PIAS1: variants seen among roughly 807,000 people sequenced by gnomAD.
The protein encoded by PIAS1 is E3 SUMO-protein ligase PIAS1.
PIAS1 carries 6 observed loss-of-function variants against 71.3 expected under a neutral mutation model. The ratio of observed to expected loss-of-function variants is 0.08; its 90% confidence interval spans 0.05 to 0.17. The LOEUF (loss-of-function observed/expected upper bound fraction) is 0.17, where lower values mean the gene tolerates loss of function less well. PIAS1 is among the 10% of genes least tolerant of loss of function. The probability of loss-of-function intolerance (pLI) is 1.00; values close to 1 mark genes in which losing one functional copy is unlikely to be tolerated. For synonymous variants in PIAS1, 303 were observed against 292.9 expected (o/e 1.03, Z -0.35); for missense variants, 555 against 793.6 (o/e 0.70, Z 3.61).
intron 2 of PIAS1, among the ~76,000 whole-genome samples, chr15:68,089,817 A>G (rs2092318047): frequency 6.6e-6 from 1 of 151,994 alleles, no homozygotes. Context: ...CGGCCTCCCA[A>G]AGTGCTGGGA....
intron 7 of PIAS1, among the ~76,000 whole-genome samples, chr15:68,156,726 AAAGAGAGAGAGAG>A (rs920883707): frequency 1.3e-5 from 2 of 150,308 alleles, no homozygotes; most frequent in African/African-American, 4.9e-5. Flanking sequence ...AAAAAAAAAA[AAAGAGAGAGAGAG>A]AGAGAGCGCC....
chr15:68,135,482 G>A (rs1303190744), intron 2 of PIAS1, among the ~76,000 whole-genome samples: 1 of 3,480 alleles, frequency 2.9e-4, no homozygotes, highest in African/African-American at 3.4e-4. Context: ...GGGGCGGCTG[G>A]CCGGGGGGGG....
At chr15:68,089,391 CTCTCATTA>C (rs1222727643) in intron 2 of PIAS1, among the ~76,000 whole-genome samples, 1 of 152,276 alleles carries the variant, frequency 6.6e-6, no homozygotes, top group East Asian at 1.9e-4. Context: ...TTACTTTGGC[CTCTCATTA>C]TCTCAATTCT....
intron 1 of PIAS1, among the ~76,000 whole-genome samples, chr15:68,082,243 G>T (rs1286412436): frequency 1.3e-5 from 2 of 152,066 alleles, no homozygotes; most frequent in African/African-American, 4.8e-5. Context: ...CCACTAAAAA[G>T]AGAAAACCAA....
intron 2 of PIAS1, among the ~76,000 whole-genome samples, chr15:68,114,290 CTCATA>C (rs1233664758): frequency 6.6e-6 from 1 of 151,842 alleles, no homozygotes; most frequent in Non-Finnish European, 1.5e-5. Context: ...TGACTGTATT[CTCATA>C]TCATTAAGTA....
At chr15:68,119,405 A>G (rs1489628032) in intron 2 of PIAS1, among the ~76,000 whole-genome samples, 1 of 151,900 alleles carries the variant, frequency 6.6e-6, no homozygotes, top group African/African-American at 2.4e-5. Context: ...AGATCATGCC[A>G]CTGCACTCCA....
chr15:68,109,116 G>C (rs2092499651), intron 2 of PIAS1, among the ~76,000 whole-genome samples: 1 of 152,154 alleles, frequency 6.6e-6, no homozygotes, highest in Non-Finnish European at 1.5e-5. Context: ...TCTACTTGCT[G>C]TTTCTCAGAT....
At chr15:68,175,913 A>G (rs1352110663) in intron 10 of PIAS1, 146 bp downstream of exon 10, 2 of 478,296 alleles carry the variant, frequency 4.2e-6, no homozygotes, top group Non-Finnish European at 6.7e-6. Flanking sequence ...AAATGTTCAG[A>G]AGTAATAGAA....
intron 4 of PIAS1, among the ~76,000 whole-genome samples, chr15:68,143,497 A>G (rs2092786669): frequency 6.6e-6 from 1 of 152,138 alleles, no homozygotes; most frequent in Non-Finnish European, 1.5e-5. Context: ...GTATGACAGG[A>G]CCTTACTGCA....
At chr15:68,084,094 A>G (rs1156737351) in intron 1 of PIAS1, among the ~76,000 whole-genome samples, 1 of 152,194 alleles carries the variant, frequency 6.6e-6, no homozygotes, top group African/African-American at 2.4e-5. Context: ...AAATAGGAAA[A>G]TGATACATCT....
intron 1 of PIAS1, among the ~76,000 whole-genome samples, chr15:68,082,670 A>T (rs1257657904): frequency 1.3e-5 from 2 of 152,120 alleles, no homozygotes; most frequent in Non-Finnish European, 2.9e-5. Flanking sequence ...TGATAGAAAG[A>T]TGAGGGAGAG....
rs1316738415 is a variant in PIAS1 at position 68,135,374 on chromosome 15, C to A, written c.470-6572C>A. ...CGGCTGGCCGGGCGGGGGGCTGACC[C>A]CCACACCGCCCTCCCAGACGGGGCG... On this transcript the variant is annotated intron_variant, in intron 2 of 13. Transcript: ENST00000249636. 2.2e-4 allele frequency among the ~76,000 whole-genome samples: 10 copies of A among 45,638 alleles called. 3 individuals carry two copies. Among genetic ancestry groups the A allele is most frequent in the Admixed American group, 1.7e-3 (10 of 5,980 alleles). The allele number at this position is 45,638 out of a possible 152,430, so 29.9% of individuals were successfully genotyped here.
At chr15:68,102,180 G>A (rs1280264807) in intron 2 of PIAS1, among the ~76,000 whole-genome samples, 1 of 152,074 alleles carries the variant, frequency 6.6e-6, no homozygotes, top group Non-Finnish European at 1.5e-5. Context: ...CTTCATTTAT[G>A]GAGATCTAAC....
intron 1 of PIAS1, among the ~76,000 whole-genome samples, chr15:68,061,108 A>T (rs2091954124): frequency 6.6e-6 from 1 of 152,266 alleles, no homozygotes; most frequent in Non-Finnish European, 1.5e-5. Flanking sequence ...GCAACATCTG[A>T]AAAGTAGTGC....
intron 12 of PIAS1, among the ~76,000 whole-genome samples, chr15:68,183,132 C>T (rs1299448524): frequency 2.0e-5 from 3 of 152,204 alleles, no homozygotes; most frequent in African/African-American, 7.2e-5. Context: ...CCTCATGCCA[C>T]TGCAGTCTGT....
In PIAS1 at chr15:68,086,023, CAG is replaced by C. The variant is rs1004710640; in HGVS notation, c.25-282_25-281del. Reference sequence around the variant, plus strand: ...TAAATACCTGACAGTTTCATCAAAACAGTGGAATAAAGTGAGGTGTGGTTTTC... The same window carrying C: ...TAAATACCTGACAGTTTCATCAAAACTGGAATAAAGTGAGGTGTGGTTTTC... On this transcript the variant is annotated intron_variant, in intron 1 of 13. Coordinates refer to ENST00000249636, the MANE Select transcript of PIAS1 (RefSeq NM_016166.3). This position sits in a 1 kb window ranked among gnomAD's most constrained non-coding sequence, Gnocchi z 7.2. Among the ~76,000 whole-genome samples, 3 of 152,130 alleles carry C rather than the reference CAG, an allele frequency of 2.0e-5. No individual in the cohort carries two copies. The highest frequency in any genetic ancestry group is 2.9e-5 in the Non-Finnish European group (2 of 68,020).
rs1333683345 is a variant in PIAS1 at position 68,185,239 on chromosome 15, C to T, written c.1662+1572C>T. On this transcript the variant is annotated intron_variant, in intron 13 of 13. Coordinates refer to ENST00000249636, the MANE Select transcript of PIAS1 (RefSeq NM_016166.3). The surrounding 1 kb of genome is among the most constrained non-coding windows in gnomAD (Gnocchi z 4.4). The stretch of plus-strand genomic sequence containing the variant: ...AGGCTATTGCTGCAACTGAAAAACA[C>T]CGAGAGGACACTGATGCAATTCTGG... Among the ~76,000 whole-genome samples the T allele has an allele frequency of 6.6e-6, 1 of 152,030 alleles. No individual in the cohort carries two copies. Among genetic ancestry groups the T allele is most frequent in the Non-Finnish European group, 1.5e-5 (1 of 68,004 alleles).
intron 2 of PIAS1, among the ~76,000 whole-genome samples, chr15:68,105,472 G>A (rs1348528610): frequency 6.6e-6 from 1 of 151,846 alleles, no homozygotes; most frequent in Non-Finnish European, 1.5e-5. Flanking sequence ...ATCTAGGTTT[G>A]CTACATCAGA....
intron 2 of PIAS1, among the ~76,000 whole-genome samples, chr15:68,092,306 G>C (rs932177426): frequency 1.3e-5 from 2 of 152,024 alleles, no homozygotes; most frequent in Non-Finnish European, 2.9e-5. Context: ...TGAGTAGCTG[G>C]GACGACAGGC....
Sources: allele counts gnomAD v4.1 joint callset (sites outside exome capture counted in the v4.1 genomes callset), GRCh38; gene constraint gnomAD v4.1.1; non-coding constraint Gnocchi (gnomAD v3.1); transcripts MANE v1.5; gene names NCBI Gene and HGNC (gene_info 2026-07-23, HGNC 2026-07-21).